The following UPRT variants were observed in gnomAD, a reference collection of about 807,000 sequenced individuals.
The protein encoded by UPRT is RP11-311P8.3.
In UPRT, 5 loss-of-function variants were observed where a neutral mutation model predicts 22.6. That is an observed-to-expected ratio of 0.22 (90% confidence interval 0.12 to 0.47). The LOEUF (loss-of-function observed/expected upper bound fraction) is 0.47, where lower values mean the gene tolerates loss of function less well. UPRT is among the 20% of genes least tolerant of loss of function. The pLI, the probability that UPRT is intolerant of heterozygous loss-of-function variation, is 0.99. For missense variants in UPRT, 181 were observed against 239.9 expected (o/e 0.75, Z 1.62); for synonymous variants, 77 against 87.7 (o/e 0.88, Z 0.68).
At chrX:75,157,690 A>C (rs900654006) in intron 1 of UPRT, among the ~76,000 whole-genome samples, 2 of 112,215 alleles carry the variant, frequency 1.8e-5, no homozygotes, top group Non-Finnish European at 3.8e-5. Flanking sequence ...GACGGAGTTC[A>C]TATTGAAGTC....
At chrX:75,263,192 T>A (rs2082574838) in intron 4 of UPRT, among the ~76,000 whole-genome samples, 1 of 111,946 alleles carries the variant, frequency 8.9e-6, no homozygotes, top group Non-Finnish European at 1.9e-5. Context: ...TTTTTTGTTG[T>A]ATCTCTGCCA....
intron 4 of UPRT, among the ~76,000 whole-genome samples, chrX:75,248,602 C>T (rs1378932735): frequency 4.5e-5 from 5 of 111,716 alleles, no homozygotes; most frequent in Non-Finnish European, 7.5e-5. Flanking sequence ...CTGAAAGTGA[C>T]GGGGAGAATG....
chrX:75,175,189 G>A (rs908280683), intron 4 of UPRT, among the ~76,000 whole-genome samples: 2 of 110,771 alleles, frequency 1.8e-5, no homozygotes, highest in Non-Finnish European at 1.9e-5. Context: ...CTTTCAAATT[G>A]TCCTCCTAAT....
At chrX:75,220,492 C>A (rs923138790) in intron 4 of UPRT, among the ~76,000 whole-genome samples, 1 of 111,084 alleles carries the variant, frequency 9.0e-6, no homozygotes, top group African/African-American at 3.3e-5. Context: ...TTCTTTCCTT[C>A]CTTCCTGTAA....
intron 1 of UPRT, among the ~76,000 whole-genome samples, chrX:75,284,892 C>T (rs2082673643): frequency 9.0e-6 from 1 of 111,120 alleles, no homozygotes; most frequent in Non-Finnish European, 1.9e-5. Flanking sequence ...CTTCTGCTAC[C>T]AGGGTGAGTA....
chrX:75,165,296 T>C (rs1292912789), intron 3 of UPRT, among the ~76,000 whole-genome samples: 1 of 111,917 alleles, frequency 8.9e-6, no homozygotes. Flanking sequence ...AAGCCCAGTT[T>C]GTTTAACCTT....
rs748349582 is a variant in UPRT, at chrX:75,299,953, C to T, written c.724+57C>T. The T allele has an allele frequency of 3.3e-4, 379 of 1,149,287 alleles. 1 individual carries two copies. The highest frequency in any genetic ancestry group is 5.4e-5 in the African/African-American group (3 of 55,724). 94.7% of individuals were successfully genotyped at this position (1,149,287 alleles called of 1,213,427 possible). A position where few individuals can be genotyped will look rare whatever the true frequency, so the allele number is the denominator to read the frequency against. On this transcript the variant is annotated intron_variant, in intron 5 of 6. Coordinates refer to ENST00000373383, the MANE Select transcript of UPRT (RefSeq NM_145052.4). ...GTTAGGGTTTAAATTCAACTTAGTG[C>T]CTGCCTCCTAGGTACCCTTATATAA...
intron 4 of UPRT, among the ~76,000 whole-genome samples, chrX:75,171,378 A>G (rs1375686717): frequency 9.0e-6 from 1 of 111,714 alleles, no homozygotes; most frequent in African/African-American, 3.2e-5. Context: ...AAGACTTTCC[A>G]GTACATTTTG....
At chrX:75,235,846 G>C (rs1481074733) in intron 4 of UPRT, among the ~76,000 whole-genome samples, 1 of 111,717 alleles carries the variant, frequency 9.0e-6, no homozygotes, top group Non-Finnish European at 1.9e-5. Flanking sequence ...ATATCATACT[G>C]AATGGGCAAA....
At position 75,174,880 on chromosome X, in the gene UPRT, A is replaced by G. The variant is rs978245379; in HGVS notation, c.-447+7001A>G. On this transcript the variant is annotated intron_variant, in intron 4 of 13. Transcript: ENST00000652605. ...TAGGGTACACTGTTTTTTCTTTACT[A>G]CTTTCATCTCTTTCTCTCTTCGACT... Among the ~76,000 whole-genome samples, 8 of 111,300 alleles carry G rather than the reference A, an allele frequency of 7.2e-5. No individual in the cohort carries two copies. In the Admixed American group the frequency reaches 7.6e-4, roughly 11 times the overall value.
At chrX:75,205,396 A>C (rs2082362529) in intron 4 of UPRT, among the ~76,000 whole-genome samples, 1 of 107,439 alleles carries the variant, frequency 9.3e-6, no homozygotes, top group Non-Finnish European at 1.9e-5. Flanking sequence ...AAAAAAAAAA[A>C]AAAAAAAAAA....
intron 4 of UPRT, among the ~76,000 whole-genome samples, chrX:75,206,332 C>T (rs184998521): frequency 6.2e-4 from 69 of 110,831 alleles, no homozygotes; most frequent in Admixed American, 1.9e-3. Context: ...TGCTGCCCTG[C>T]CAGGTGCCCT....
At chrX:75,218,349 C>G (rs2082399676) in intron 4 of UPRT, among the ~76,000 whole-genome samples, 1 of 109,851 alleles carries the variant, frequency 9.1e-6, no homozygotes, top group African/African-American at 3.3e-5. Context: ...TACCATCTCA[C>G]ACCAGTTAGA....
chrX:75,248,270 G>T (rs1472454500), intron 4 of UPRT, among the ~76,000 whole-genome samples: 1 of 111,524 alleles, frequency 9.0e-6, no homozygotes, highest in Non-Finnish European at 1.9e-5. Flanking sequence ...CGAGCTAAAG[G>T]AGGAAGTTCA....
At chrX:75,178,371 C>T (rs2082256490) in intron 4 of UPRT, among the ~76,000 whole-genome samples, 1 of 111,660 alleles carries the variant, frequency 9.0e-6, no homozygotes. Flanking sequence ...AGTCTCACCG[C>T]TCAGCGATAG....
At chrX:75,226,279 T>C (rs1019563113) in intron 4 of UPRT, among the ~76,000 whole-genome samples, 2 of 111,765 alleles carry the variant, frequency 1.8e-5, no homozygotes, top group Non-Finnish European at 3.8e-5. Context: ...TTAACTATTG[T>C]AAACTTGTGC....
At chrX:75,265,238 T>C (rs1216428757) in intron 4 of UPRT, among the ~76,000 whole-genome samples, 1 of 111,758 alleles carries the variant, frequency 8.9e-6, no homozygotes, top group Non-Finnish European at 1.9e-5. Flanking sequence ...CCTTGCTAGA[T>C]TGGGGAAGTT....
At chrX:75,263,470 T>G (rs1276450696) in intron 4 of UPRT, among the ~76,000 whole-genome samples, 1 of 112,111 alleles carries the variant, frequency 8.9e-6, no homozygotes, top group Admixed American at 9.5e-5. Flanking sequence ...GTCCAGGAAT[T>G]TATCCATTTC....
intron 1 of UPRT, among the ~76,000 whole-genome samples, chrX:75,281,925 T>TA (rs1434920833): frequency 9.0e-6 from 1 of 111,513 alleles, no homozygotes; most frequent in Non-Finnish European, 1.9e-5. Flanking sequence ...ATTTTTAAAT[T>TA]ACCATTTCAG....
Sources: gnomAD v4.1 joint callset for allele counts (sites outside exome capture counted in the v4.1 genomes callset) on GRCh38, gnomAD v4.1.1 for gene constraint, MANE v1.5 for transcripts, NCBI Gene and HGNC (gene_info 2026-07-23, HGNC 2026-07-21) for gene names.